GRAMD4: variants seen among roughly 807,000 people sequenced by gnomAD.
The protein encoded by GRAMD4 is GRAM domain containing 4, also known as GRAM domain-containing protein 4.
Under a neutral mutation model 83.9 loss-of-function variants are expected in GRAMD4, and 25 were observed. That is an observed-to-expected ratio of 0.30 (90% CI 0.22 to 0.42). GRAMD4 has a LOEUF of 0.42. Among genes scored for constraint, GRAMD4 ranks in the 10% least tolerant of loss-of-function variants. GRAMD4 has a pLI of 1.00. For missense variants in GRAMD4, 593 were observed against 788.7 expected, an observed-to-expected ratio of 0.75 and a Z score of 2.97; for synonymous variants, 336 against 320.9, an observed-to-expected ratio of 1.05 and a Z score of -0.50.
Position 46,663,062 on chromosome 22 carries a change from C to A in GRAMD4, c.489C>A (p.Ser163=). ...NGAERRSQGL[S]SRLQKWFYER... The stretch of plus-strand genomic sequence containing the variant: ...CAGAGCGCCGGAGCCAGGGGCTGTC[C>A]TCGCGCCTGCAGAAGTGGTTCTACG... Residue 163 remains serine (S), a synonymous_variant, in exon 6 of 19, where the codon TCC becomes TCA. Transcript: ENST00000406902. 6.2e-7 allele frequency: 1 copy of A among 1,611,636 alleles called. No individual in the cohort carries two copies. Among genetic ancestry groups the A allele is most frequent in the South Asian group, 1.1e-5 (1 of 91,022 alleles).
intron 1 of GRAMD4, among the ~76,000 whole-genome samples, chr22:46,585,773 G>A (rs994265954): frequency 1.3e-5 from 2 of 152,240 alleles, no homozygotes; most frequent in Admixed American, 6.5e-5. Context: ...GAGCGACAAG[G>A]AGGGCTCCCT....
chr22:46,655,310 A>G (rs2082227000), intron 3 of GRAMD4, among the ~76,000 whole-genome samples: 2 of 151,972 alleles, frequency 1.3e-5, no homozygotes, highest in South Asian at 4.2e-4. Flanking sequence ...TCAAGCTGGG[A>G]AGTTGGATTC....
chr22:46,645,199 T>C (rs1219851177), intron 3 of GRAMD4, among the ~76,000 whole-genome samples: 1 of 151,994 alleles, frequency 6.6e-6, no homozygotes, highest in Non-Finnish European at 1.5e-5. Context: ...AGTGGGAGCT[T>C]GGTGAATGGA....
At chr22:46,674,583 C>T (rs574572315) in intron 15 of GRAMD4, 74 bp from the exon 16 acceptor site, 12 of 1,034,372 alleles carry the variant, frequency 1.2e-5, no homozygotes, top group African/African-American at 1.6e-5. Flanking sequence ...GAGTCAGGCT[C>T]CTGGGTCCCA....
At chr22:46,588,028 G>C (rs1027458305) in intron 1 of GRAMD4, 3 of 826,740 alleles carry the variant, frequency 3.6e-6, no homozygotes, top group African/African-American at 3.7e-5. Context: ...GTGTCTACTT[G>C]GCTCTAGATG....
chr22:46,597,346 C>T (rs935850178), intron 1 of GRAMD4, among the ~76,000 whole-genome samples: 4 of 152,142 alleles, frequency 2.6e-5, no homozygotes, highest in Non-Finnish European at 5.9e-5. Flanking sequence ...CCCCCAAAGG[C>T]GTATGGGGAT....
intron 17 of GRAMD4, among the ~76,000 whole-genome samples, chr22:46,675,965 C>T (rs748568902): frequency 7.2e-5 from 11 of 152,232 alleles, no homozygotes; most frequent in Non-Finnish European, 1.6e-4. Flanking sequence ...TTTACCGTAG[C>T]ATGGAATGAG....
At chr22:46,600,711 G>C (rs1359281781) in intron 1 of GRAMD4, among the ~76,000 whole-genome samples, 14 of 152,190 alleles carry the variant, frequency 9.2e-5, no homozygotes, top group Non-Finnish European at 2.1e-4. Context: ...GCGAGTCTTT[G>C]TGCATGTGGG....
chr22:46,579,163 A>T (rs1485352852), intron 1 of GRAMD4, among the ~76,000 whole-genome samples: 1 of 152,190 alleles, frequency 6.6e-6, no homozygotes, highest in African/African-American at 2.4e-5. Context: ...GAGGCTGTTT[A>T]TTCTGGGTCT....
In GRAMD4 at chr22:46,626,739, C is replaced by T; in HGVS notation, c.-49-12C>T. The stretch of plus-strand genomic sequence containing the variant: ...TGGCGAGCGGGAGAGTGACCACGCC[C>T]CTCTCTTGCAGGGAACCCGAGCGTC... On this transcript the variant is annotated splice_polypyrimidine_tract_variant and intron_variant, in intron 1 of 18. Transcript: ENST00000406902. The T allele has an allele frequency of 1.9e-6, 3 of 1,551,484 alleles. No homozygotes were observed. Among genetic ancestry groups the T allele is most frequent in the South Asian group, 1.1e-5 (1 of 87,282 alleles).
At chr22:46,651,273 C>T (rs996246696) in intron 3 of GRAMD4, among the ~76,000 whole-genome samples, 1 of 152,210 alleles carries the variant, frequency 6.6e-6, no homozygotes, top group East Asian at 1.9e-4. Context: ...GGTTCCTTGC[C>T]ATTTGGTGGC....
chr22:46,588,357 G>T (rs1477184841), intron 1 of GRAMD4, among the ~76,000 whole-genome samples: 3 of 152,172 alleles, frequency 2.0e-5, no homozygotes, highest in Non-Finnish European at 4.4e-5. Flanking sequence ...ATCCCTCCAG[G>T]CAGCACCACG....
At chr22:46,632,626 T>G (rs1265042498) in intron 2 of GRAMD4, among the ~76,000 whole-genome samples, 1 of 152,138 alleles carries the variant, frequency 6.6e-6, no homozygotes, top group Non-Finnish European at 1.5e-5. Context: ...GACCCCAGCA[T>G]TTCAGGGCAG....
rs973767600 is a variant in GRAMD4, at chr22:46,622,644, C to T, written c.-50+2079C>T. Among the ~76,000 whole-genome samples the T allele has an allele frequency of 1.2e-4, 19 of 152,194 alleles. No individual in the cohort carries two copies. The highest frequency in any genetic ancestry group is 3.4e-4 in the African/African-American group (14 of 41,530). ...ACTGGTGAAGTTGGGCTGAGCACGG[C>T]GGCTCACGCCTGTAATCCCAGCACT... On this transcript the variant is annotated intron_variant, in intron 1 of 18. Coordinates refer to ENST00000406902, the MANE Select transcript of GRAMD4 (RefSeq NM_015124.5). The surrounding 1 kb of genome is among the most constrained non-coding windows in gnomAD (Gnocchi z 4.0).
chr22:46,598,365 G>C (rs1294771257), intron 1 of GRAMD4, among the ~76,000 whole-genome samples: 1 of 152,086 alleles, frequency 6.6e-6, no homozygotes, highest in Non-Finnish European at 1.5e-5. Context: ...TGGAGTGAGG[G>C]AGTGTCTGTG....
At chr22:46,649,699 G>A (rs2082136564) in intron 3 of GRAMD4, among the ~76,000 whole-genome samples, 1 of 152,220 alleles carries the variant, frequency 6.6e-6, no homozygotes, top group Non-Finnish European at 1.5e-5. Flanking sequence ...GTTGACAGTT[G>A]ATCGTTCAGT....
At chr22:46,636,181 C>T (rs1233685102) in intron 2 of GRAMD4, among the ~76,000 whole-genome samples, 1 of 152,190 alleles carries the variant, frequency 6.6e-6, no homozygotes, top group Non-Finnish European at 1.5e-5. Context: ...GGTTGTGTGA[C>T]CTCCTTGAGA....
chr22:46,578,614 C>G (rs2081067996), intron 1 of GRAMD4, among the ~76,000 whole-genome samples: 1 of 152,160 alleles, frequency 6.6e-6, no homozygotes, highest in African/African-American at 2.4e-5. Flanking sequence ...CTTTTGTGTC[C>G]CAGGCCCATT....
chr22:46,577,543 C>T (rs1270482998), intron 1 of GRAMD4, among the ~76,000 whole-genome samples: 1 of 150,034 alleles, frequency 6.7e-6, no homozygotes, highest in Non-Finnish European at 1.5e-5. Flanking sequence ...TTCTGCCCGC[C>T]GGCTGGGGGA....
Sources: gnomAD v4.1 joint callset for allele counts (sites outside exome capture counted in the v4.1 genomes callset) on GRCh38, gnomAD v4.1.1 for gene constraint, Gnocchi (gnomAD v3.1) non-coding constraint, MANE v1.5 for transcripts, NCBI Gene and HGNC (gene_info 2026-07-23, HGNC 2026-07-21) for gene names.